Variants in GALK2 observed in about 807,000 individuals in gnomAD.
GALK2 encodes the protein galactokinase 2.
GALK2 carries 36 observed loss-of-function variants against 52.4 expected under a neutral mutation model. The observed-to-expected ratio is 0.69, with a 90% CI of 0.53 to 0.91. GALK2 has a LOEUF of 0.91. Among genes scored for constraint, GALK2 ranks in the 40% least tolerant of loss-of-function variants. The probability of loss-of-function intolerance (pLI) is 0.00; values close to 1 mark genes in which losing one functional copy is unlikely to be tolerated. For missense variants in GALK2, 579 were observed against 559.1 expected (o/e 1.04, Z -0.36); for synonymous variants, 176 against 199.1 (o/e 0.88, Z 0.98).
chr15:49,172,001 G>A (rs1173871167), intron 1 of GALK2, among the ~76,000 whole-genome samples: 12 of 152,136 alleles, frequency 7.9e-5, no homozygotes, highest in Non-Finnish European at 1.2e-4. Flanking sequence ...TCCAACTTGT[G>A]ACCTCAAGTG....
At chr15:49,266,772 G>A (rs2092376853) in intron 5 of GALK2, among the ~76,000 whole-genome samples, 1 of 152,188 alleles carries the variant, frequency 6.6e-6, no homozygotes, top group African/African-American at 2.4e-5. Context: ...GGGTGTGTGT[G>A]TGAATCTGGC....
intron 5 of GALK2, among the ~76,000 whole-genome samples, chr15:49,258,821 T>TGAGAGA (rs1334890881): frequency 6.8e-6 from 1 of 146,542 alleles, no homozygotes; most frequent in African/African-American, 2.5e-5. Flanking sequence ...TGTGTGTGTG[T>TGAGAGA]GTGTGTGTGA....
chr15:49,199,938 A>C (rs1432579415), intron 1 of GALK2, among the ~76,000 whole-genome samples: 1 of 152,238 alleles, frequency 6.6e-6, no homozygotes, highest in Non-Finnish European at 1.5e-5. Context: ...GACGAGCTTG[A>C]ATAACTTCCA....
At chr15:49,308,696 C>T (rs189556013) in intron 8 of GALK2, among the ~76,000 whole-genome samples, 528 of 152,252 alleles carry the variant, frequency 3.5e-3, no homozygotes, top group Non-Finnish European at 5.5e-3. Flanking sequence ...CATCAGCTGA[C>T]GTCCAGAACT....
intron 7 of GALK2, among the ~76,000 whole-genome samples, chr15:49,290,172 G>C (rs996308986): frequency 3.9e-5 from 6 of 152,154 alleles, no homozygotes; most frequent in Admixed American, 3.9e-4. Context: ...TTTGAACAAT[G>C]GTGATCTTAT....
upstream of GALK2, among the ~76,000 whole-genome samples, chr15:49,168,422 T>G (rs1245747891): frequency 2.0e-5 from 3 of 152,078 alleles, no homozygotes; most frequent in Non-Finnish European, 2.9e-5. Context: ...AACATCTGAA[T>G]AAAAAATGAT....
At chr15:49,217,818 A>G (rs1468188332) in intron 3 of GALK2, among the ~76,000 whole-genome samples, 3 of 152,206 alleles carry the variant, frequency 2.0e-5, no homozygotes, top group Non-Finnish European at 4.4e-5. Context: ...TAATAGAGGT[A>G]AGTTTCTAGT....
At chr15:49,179,036 T>A (rs2085750307) in intron 1 of GALK2, among the ~76,000 whole-genome samples, 1 of 152,120 alleles carries the variant, frequency 6.6e-6, no homozygotes, top group Non-Finnish European at 1.5e-5. Context: ...TTTTCTAAGA[T>A]CTCTAATATA....
upstream of GALK2, among the ~76,000 whole-genome samples, chr15:49,166,308 T>A (rs2084821545): frequency 6.6e-6 from 1 of 152,180 alleles, no homozygotes; most frequent in African/African-American, 2.4e-5. Context: ...TTAAAGCATT[T>A]TTGCACAATT....
At chr15:49,170,623 T>G (rs1222906121) in intron 1 of GALK2, 3 of 502,044 alleles carry the variant, frequency 6.0e-6, no homozygotes, top group Non-Finnish European at 1.1e-5. Flanking sequence ...CTTTTCCTTT[T>G]CTTGTTGTAA....
chr15:49,273,284 CT>C (rs1285380681), intron 5 of GALK2, among the ~76,000 whole-genome samples: 7 of 152,128 alleles, frequency 4.6e-5, no homozygotes, highest in African/African-American at 1.7e-4. Flanking sequence ...GAGAAACCTC[CT>C]CACTGTTGTT....
At position 49,322,132 on chromosome 15, in the gene GALK2, A is replaced by C. The variant is rs553586624; in HGVS notation, c.1169+2327A>C. On this transcript the variant is annotated intron_variant, in intron 9 of 9. Coordinates refer to ENST00000560031, the MANE Select transcript of GALK2 (RefSeq NM_002044.4). ...GCTATGTCTTAAATGGGTTTGGAAG[A>C]GTACCTTTTATTTATCTTTTCATTT... Among the ~76,000 whole-genome samples, 3 of 152,324 alleles carry C rather than the reference A, an allele frequency of 2.0e-5. No homozygotes were observed. The East Asian group carries it at 5.8e-4, about 29-fold the overall frequency.
chr15:49,337,508 C>CTTTTTT (rs33973907), intron 3 of GALK2, among the ~76,000 whole-genome samples: 1 of 36,084 alleles, frequency 2.8e-5, no homozygotes, highest in East Asian at 7.0e-4. Flanking sequence ...CATTTACCCA[C>CTTTTTT]TTTTTTTTTT....
intron 8 of GALK2, among the ~76,000 whole-genome samples, chr15:49,306,159 C>G (rs996264022): frequency 1.3e-5 from 2 of 151,838 alleles, no homozygotes; most frequent in Non-Finnish European, 2.9e-5. Flanking sequence ...GTCACTCTTC[C>G]TGTTCTGCTC....
chr15:49,160,713 T>C (rs945113955), intron 1 of GALK2, among the ~76,000 whole-genome samples: 1 of 151,820 alleles, frequency 6.6e-6, no homozygotes, highest in East Asian at 1.9e-4. Flanking sequence ...AAATACAAAA[T>C]ACAAAAATTA....
chr15:49,207,915 GGCAC>G, intron 2 of GALK2, among the ~76,000 whole-genome samples: 1 of 152,198 alleles, frequency 6.6e-6, no homozygotes, highest in East Asian at 1.9e-4. Context: ...TAGGATTACA[GGCAC>G]CCACCACCAT....
chr15:49,239,171 C>G, intron 4 of GALK2, 50 bp from the exon 5 acceptor site: 2 of 1,531,390 alleles, frequency 1.3e-6, no homozygotes, highest in Non-Finnish European at 1.8e-6. Flanking sequence ...TTTCACTACT[C>G]CTTGAATTCA....
intron 5 of GALK2, among the ~76,000 whole-genome samples, chr15:49,270,535 C>T (rs16962243): frequency 0.18 from 28,102 of 152,194 alleles, 3,424 homozygotes; most frequent in East Asian, 0.34. Context: ...AGTAGATGCT[C>T]TGAGCATAAC....
At chr15:49,357,491 T>C (rs564766512) in intron 3 of GALK2, among the ~76,000 whole-genome samples, 9 of 152,064 alleles carry the variant, frequency 5.9e-5, no homozygotes, top group African/African-American at 2.2e-4. Context: ...CTAGAAGAAA[T>C]AATGGATAAA....
Sources: gnomAD v4.1 joint callset for allele counts (sites outside exome capture counted in the v4.1 genomes callset) on GRCh38, gnomAD v4.1.1 for gene constraint, MANE v1.5 for transcripts, NCBI Gene and HGNC (gene_info 2026-07-23, HGNC 2026-07-21) for gene names.